The following TNR variants were observed in gnomAD, a reference collection of about 807,000 sequenced individuals.
TNR encodes tenascin-R.
Under a neutral mutation model 150.4 loss-of-function variants are expected in TNR, and 45 were observed. That is an observed-to-expected ratio of 0.30 (90% CI 0.24 to 0.38). The LOEUF (loss-of-function observed/expected upper bound fraction) is 0.38. TNR is among the 10% of genes least tolerant of loss of function. The pLI is 1.00. For missense variants in TNR, 1,544 were observed against 1,759.1 expected (o/e 0.88, Z 2.19); for synonymous variants, 687 against 678.4 (o/e 1.01, Z -0.20).
chr1:175,686,406 A>G (rs1248055396), intron 1 of TNR, among the ~76,000 whole-genome samples: 1 of 152,246 alleles, frequency 6.6e-6, no homozygotes, highest in African/African-American at 2.4e-5. Flanking sequence ...ATTAATTTGA[A>G]GACTGCGTAT....
rs373090675 is a variant in TNR, at chr1:175,391,450, G to C, written c.1357-12C>G. 1 of 1,611,882 alleles carries C rather than the reference G, an allele frequency of 6.2e-7. No individual in the cohort carries two copies. Among genetic ancestry groups the C allele is most frequent in the Non-Finnish European group, 8.5e-7 (1 of 1,179,144 alleles). On this transcript the variant is annotated splice_polypyrimidine_tract_variant and intron_variant, in intron 6 of 22. Transcript: ENST00000367674. The stretch of plus-strand genomic sequence containing the variant: ...CCCCCTTCATTGTTCTGGACAGTGG[G>C]GAGAAGCAGAGAGCAAAAGAGAAAA...
At chr1:175,546,110 GA>G (rs1047561294) in intron 1 of TNR, among the ~76,000 whole-genome samples, 1 of 152,122 alleles carries the variant, frequency 6.6e-6, no homozygotes, top group Non-Finnish European at 1.5e-5. Flanking sequence ...AATAAATGAA[GA>G]GGCGAAAAAT....
chr1:175,367,336 G>A, intron 9 of TNR, 39 bp from the exon 10 acceptor site: 1 of 1,572,634 alleles, frequency 6.4e-7, no homozygotes, highest in Non-Finnish European at 8.8e-7. Flanking sequence ...TTCTGTGTAT[G>A]GGGCAGGGCT....
intron 1 of TNR, among the ~76,000 whole-genome samples, chr1:175,564,190 T>A (rs1172469920): frequency 6.6e-6 from 1 of 152,244 alleles, no homozygotes; most frequent in East Asian, 1.9e-4. Context: ...ACTTGGCAGC[T>A]TATGGAAAAT....
chr1:175,396,453 A>G, intron 5 of TNR, 91 bp downstream of exon 5: 1 of 1,478,242 alleles, frequency 6.8e-7, no homozygotes, highest in South Asian at 1.3e-5. Context: ...GGCATCCCTG[A>G]AGAACTAAGA....
Position 175,590,945 on chromosome 1 carries a change from C to T in TNR, c.-164-62576G>A, listed in dbSNP as rs1662774683. Among the ~76,000 whole-genome samples the T allele has an allele frequency of 1.3e-5, 2 of 152,152 alleles. 1 individual carries two copies. Among genetic ancestry groups the T allele is most frequent in the Non-Finnish European group, 2.9e-5 (2 of 68,032 alleles). ...GTTATAGCAGACAGGGCAAGTCATA[C>T]AGGAAAAACAAACAATAAAACCAGG... On this transcript the variant is annotated intron_variant, in intron 1 of 22. Transcript: ENST00000367674.
intron 4 of TNR, among the ~76,000 whole-genome samples, chr1:175,397,621 T>C (rs1438669423): frequency 2.6e-5 from 4 of 152,244 alleles, no homozygotes; most frequent in Non-Finnish European, 4.4e-5. Flanking sequence ...CCCATTATTG[T>C]AGAATTTTCC....
chr1:175,406,702 C>T lies in TNR; in HGVS notation c.13G>A (p.Gly5Arg). 2 of 1,613,706 alleles carry T rather than the reference C, an allele frequency of 1.2e-6. No individual in the cohort carries two copies. Among genetic ancestry groups the T allele is most frequent in the Non-Finnish European group, 1.7e-6 (2 of 1,179,732 alleles). ...ATGTTCTTCAGAACCACTGTTTCCC[C>T]ATCTGCCCCCATCCTCTCAGCCAGA... is the stretch of plus-strand genomic sequence containing the variant. MGAD[G>R]ETVVLKNMLI... Residue 5 changes from glycine (G) to arginine (R), a missense_variant, in exon 3 of 23, where the codon GGG becomes AGG. Physicochemically the swap from Gly to Arg is moderately radical, Grantham distance 125. Coordinates refer to ENST00000367674, the MANE Select transcript of TNR (RefSeq NM_003285.3).
At chr1:175,555,824 G>A (rs567611368) in intron 1 of TNR, among the ~76,000 whole-genome samples, 38 of 152,326 alleles carry the variant, frequency 2.5e-4, no homozygotes, top group African/African-American at 8.2e-4. Flanking sequence ...CCTGAGTTCA[G>A]CCTTGATAGG....
At chr1:175,674,809 G>GC (rs1553253052) in intron 1 of TNR, among the ~76,000 whole-genome samples, 1 of 152,096 alleles carries the variant, frequency 6.6e-6, no homozygotes, top group African/African-American at 2.4e-5. Context: ...AGAGGACCAG[G>GC]CCCCCCAGCA....
chr1:175,529,053 A>G (rs1368447485), intron 1 of TNR, among the ~76,000 whole-genome samples: 1 of 152,218 alleles, frequency 6.6e-6, no homozygotes, highest in Non-Finnish European at 1.5e-5. Context: ...CTTCTGAGTA[A>G]GCAAATTTGT....
chr1:175,374,411 G>A (rs11586804), intron 9 of TNR, among the ~76,000 whole-genome samples: 29,605 of 152,114 alleles, frequency 0.19, 2,936 homozygotes, highest in Admixed American at 0.21. Context: ...TAGTGTGTAC[G>A]TATGAGGGCA....
intron 2 of TNR, among the ~76,000 whole-genome samples, chr1:175,431,635 CTTTTTT>C (rs35340891): frequency 1.4e-5 from 2 of 143,094 alleles, no homozygotes; most frequent in East Asian, 2.0e-4. Flanking sequence ...CTGACAATAA[CTTTTTT>C]TTTTTTTTTT....
intron 2 of TNR, among the ~76,000 whole-genome samples, chr1:175,518,399 C>A (rs1659499626): frequency 6.6e-6 from 1 of 152,174 alleles, no homozygotes; most frequent in African/African-American, 2.4e-5. Context: ...TCGATCCCAT[C>A]CCCATTCCTC....
chr1:175,432,154 C>T (rs904637072), intron 2 of TNR, among the ~76,000 whole-genome samples: 2 of 152,114 alleles, frequency 1.3e-5, no homozygotes, highest in Admixed American at 6.6e-5. Context: ...GACAATCTGT[C>T]CCAGAGGCGG....
intron 2 of TNR, among the ~76,000 whole-genome samples, chr1:175,446,306 C>T (rs1315073203): frequency 3.9e-5 from 6 of 152,172 alleles, no homozygotes. Flanking sequence ...GGCTCTGTAC[C>T]AAATCCTTGG....
At chr1:175,677,599 A>G (rs1665901668) in intron 1 of TNR, among the ~76,000 whole-genome samples, 1 of 152,028 alleles carries the variant, frequency 6.6e-6, no homozygotes, top group Non-Finnish European at 1.5e-5. Context: ...TTCCGTAACA[A>G]CTCTTTCCCA....
chr1:175,680,255 T>A (rs903295973), intron 1 of TNR, among the ~76,000 whole-genome samples: 7 of 152,176 alleles, frequency 4.6e-5, no homozygotes, highest in African/African-American at 1.7e-4. Flanking sequence ...GAACAGGGCT[T>A]GGATTGAACA....
chr1:175,453,200 G>A (rs936109182), intron 2 of TNR, among the ~76,000 whole-genome samples: 2 of 152,156 alleles, frequency 1.3e-5, no homozygotes, highest in Non-Finnish European at 2.9e-5. Flanking sequence ...CAAAGGAAAG[G>A]ATGAAAACGA....
Sources: allele counts gnomAD v4.1 joint callset (sites outside exome capture counted in the v4.1 genomes callset), GRCh38; gene constraint gnomAD v4.1.1; transcripts MANE v1.5; gene names NCBI Gene and HGNC (gene_info 2026-07-23, HGNC 2026-07-21).